MED13: variants seen among roughly 807,000 people sequenced by gnomAD.
MED13 encodes mediator complex subunit 13.
A neutral mutation model predicts 225.2 loss-of-function variants in MED13; 23 were observed. The ratio of observed to expected loss-of-function variants is 0.10; its 90% CI spans 0.07 to 0.14. The LOEUF (loss-of-function observed/expected upper bound fraction) is 0.14. Ranked by LOEUF, MED13 falls within the 10% of genes least tolerant of loss-of-function variation. The pLI is 1.00. For missense variants in MED13, 2,197 were observed against 2,594.5 expected, an observed-to-expected ratio of 0.85 and a Z score of 3.33; for synonymous variants, 942 against 889.2, an observed-to-expected ratio of 1.06 and a Z score of -1.06.
intron 8 of MED13, among the ~76,000 whole-genome samples, chr17:62,020,772 G>A (rs1416606235): frequency 6.6e-6 from 1 of 151,174 alleles, no homozygotes; most frequent in Non-Finnish European, 1.5e-5. Flanking sequence ...AATAGTGGAG[G>A]GAAGGTCAGC....
At chr17:61,957,546 C>G (rs2079957884) in intron 23 of MED13, among the ~76,000 whole-genome samples, 1 of 151,958 alleles carries the variant, frequency 6.6e-6, no homozygotes. Context: ...GATGGGGTTT[C>G]ACTATCTTGG....
At position 61,956,288 on chromosome 17, in the gene MED13, G is replaced by A. The variant is rs746801522; in HGVS notation, c.5623+51C>T. The A allele has an allele frequency of 9.7e-6, 15 of 1,549,342 alleles. No individual in the cohort carries two copies. In the South Asian group the frequency reaches 1.4e-4, roughly 15 times the overall value. The stretch of plus-strand genomic sequence containing the variant: ...TACCTAGACGTGGTCAGAACTGTGT[G>A]TGAATTTACATAAAACGGAAATATA... On this transcript the variant is annotated intron_variant, in intron 24 of 29. Transcript: ENST00000397786.
intron 28 of MED13, among the ~76,000 whole-genome samples, chr17:61,950,508 C>A (rs1481398032): frequency 1.3e-5 from 2 of 151,930 alleles, no homozygotes; most frequent in African/African-American, 2.4e-5. Context: ...CTTAGCCTCC[C>A]GAGTAGCTGG....
intron 2 of MED13, among the ~76,000 whole-genome samples, chr17:62,059,947 C>T (rs2081025240): frequency 6.6e-6 from 1 of 152,090 alleles, no homozygotes. Context: ...ATATACCACT[C>T]CTAATTGTAT....
At chr17:61,979,747 T>C (rs2080187342) in intron 16 of MED13, among the ~76,000 whole-genome samples, 1 of 152,194 alleles carries the variant, frequency 6.6e-6, no homozygotes, top group South Asian at 2.1e-4. Context: ...TTGCTTCTCA[T>C]CCCGTTCTTT....
chr17:62,020,191 A>G (rs1267450624), intron 8 of MED13, among the ~76,000 whole-genome samples: 1 of 151,970 alleles, frequency 6.6e-6, no homozygotes, highest in African/African-American at 2.4e-5. Context: ...TAATGTTAAC[A>G]TGAGAAATTT....
chr17:61,968,673 A>G (rs905651739), intron 17 of MED13, among the ~76,000 whole-genome samples: 1 of 152,146 alleles, frequency 6.6e-6, no homozygotes, highest in Admixed American at 6.5e-5. Flanking sequence ...ATTAGTGAAA[A>G]TATTTTATTA....
intron 16 of MED13, among the ~76,000 whole-genome samples, chr17:61,979,341 A>G (rs1316926091): frequency 6.6e-6 from 1 of 151,964 alleles, no homozygotes; most frequent in African/African-American, 2.4e-5. Context: ...GAAAAATCTC[A>G]CTCTGTCAAA....
At chr17:62,039,033 T>TTG (rs1451543680) in intron 3 of MED13, among the ~76,000 whole-genome samples, 3 of 152,176 alleles carry the variant, frequency 2.0e-5, no homozygotes, top group Admixed American at 2.0e-4. Flanking sequence ...AAGGGATAAA[T>TTG]TGGTCTCCAA....
chr17:62,029,491 G>GC, intron 8 of MED13, 50 bp downstream of exon 8: 3 of 1,367,880 alleles, frequency 2.2e-6, no homozygotes, highest in Non-Finnish European at 3.1e-6. Context: ...GCATTCAGTG[G>GC]CGTAACAAAC....
chr17:62,063,109 C>G lies in MED13; in HGVS notation c.259G>C (p.Glu87Gln). ...RRELWIFWWG[E>Q]DPSFADLIHH... ...ATAAGGTCAGCAAAACTGGGGTCTT[C>G]ACCCCACCAAAATATCCACAATTCT... The change falls in exon 2 of 30, where the codon GAA becomes CAA. Residue 87 changes from glutamate (E) to glutamine (Q), a missense_variant. Physicochemically the swap from Glu to Gln is conservative, Grantham distance 29. This residue lies in a region of MED13 where 884 missense variants were observed against 918.5 expected (regional missense o/e 0.96). Coordinates refer to ENST00000397786, the MANE Select transcript of MED13 (RefSeq NM_005121.3). 6.2e-7 allele frequency: 1 copy of G among 1,614,096 alleles called. No homozygotes were observed. The highest frequency in any genetic ancestry group is 8.5e-7 in the Non-Finnish European group (1 of 1,179,978).
At position 61,982,601 on chromosome 17, in the gene MED13, A is replaced by T; in HGVS notation, c.3402T>A (p.Phe1134Leu). The T allele has an allele frequency of 6.2e-7, 1 of 1,614,210 alleles. No individual in the cohort carries two copies. The change falls in exon 16 of 30, where the codon TTT becomes TTA. Residue 1134 changes from phenylalanine to leucine, a missense_variant. Physicochemically the swap from Phe to Leu is conservative, Grantham distance 22. Around this residue, in one of 12 missense-constraint regions of MED13, gnomAD observed 203 missense variants for 209.7 expected, o/e 0.97. Coordinates refer to ENST00000397786, the MANE Select transcript of MED13 (RefSeq NM_005121.3). Reference protein sequence around the residue: ...CGFSAVMNRKFGNNSGLFLED... With the variant: ...CGFSAVMNRKLGNNSGLFLED... ...CAAGAAATAATCCTGAATTGTTTCCAAATTTTCTGTTCATGACAGCACTGA... is the reference window on the plus strand; with the variant it reads ...CAAGAAATAATCCTGAATTGTTTCCTAATTTTCTGTTCATGACAGCACTGA...
intron 24 of MED13, among the ~76,000 whole-genome samples, chr17:61,956,061 T>C (rs746500725): frequency 9.2e-5 from 14 of 152,100 alleles, no homozygotes; most frequent in Admixed American, 3.3e-4. Context: ...CCAAATTCAA[T>C]TGGTATCTGC....
intron 16 of MED13, among the ~76,000 whole-genome samples, chr17:61,979,616 T>A (rs1305560851): frequency 1.3e-5 from 2 of 152,142 alleles, no homozygotes; most frequent in Non-Finnish European, 2.9e-5. Flanking sequence ...TTAAAAAAAA[T>A]TCCTTTCTAT....
At chr17:61,947,865 G>A (rs1454724539) in intron 28 of MED13, among the ~76,000 whole-genome samples, 2 of 152,196 alleles carry the variant, frequency 1.3e-5, no homozygotes, top group African/African-American at 4.8e-5. Context: ...CAATGGTGAT[G>A]TTCACTGCAG....
chr17:61,954,548 G>A (rs1387428551), intron 26 of MED13, among the ~76,000 whole-genome samples: 1 of 152,116 alleles, frequency 6.6e-6, no homozygotes, highest in Non-Finnish European at 1.5e-5. Flanking sequence ...AGGCCAAGGT[G>A]GGTGGATCAT....
chr17:62,010,782 T>G lies in MED13; in HGVS notation c.1735A>C (p.Ile579Leu). Residue 579 changes from isoleucine to leucine, a missense_variant, in exon 9 of 30, where the codon ATA becomes CTA. Physicochemically the swap from Ile to Leu is conservative, Grantham distance 5. Coordinates refer to ENST00000397786, the MANE Select transcript of MED13 (RefSeq NM_005121.3). ...GGGAAAGACTGGGACAAACTGTCTA[T>G]CCTATCTTCCATTGGTTTAGAAGGA... ...LVPSKPMEDRIDSLSQSFPPQ... is the reference protein window; with the variant it reads ...LVPSKPMEDRLDSLSQSFPPQ... 1 of 1,614,228 alleles carries G rather than the reference T, an allele frequency of 6.2e-7. No individual in the cohort carries two copies. Among genetic ancestry groups the G allele is most frequent in the Non-Finnish European group, 8.5e-7 (1 of 1,180,040 alleles).
chr17:62,050,518 C>G (rs2080947658), intron 3 of MED13, among the ~76,000 whole-genome samples: 2 of 151,194 alleles, frequency 1.3e-5, no homozygotes, highest in Non-Finnish European at 2.9e-5. Flanking sequence ...AAAAAGTCCA[C>G]TAGATTAATC....
chr17:62,044,389 TAAC>T (rs766075757), intron 3 of MED13, among the ~76,000 whole-genome samples: 3 of 152,168 alleles, frequency 2.0e-5, no homozygotes, highest in Non-Finnish European at 4.4e-5. Flanking sequence ...CAATGGCCAT[TAAC>T]AACAGCCATC....
Sources: gnomAD v4.1 joint callset for allele counts (sites outside exome capture counted in the v4.1 genomes callset) on GRCh38, gnomAD v4.1.1 for gene constraint, gnomAD v4.1.1 regional missense constraint, MANE v1.5 for transcripts, NCBI Gene and HGNC (gene_info 2026-07-23, HGNC 2026-07-21) for gene names.